SUPT7L: variants seen among roughly 807,000 people sequenced by gnomAD.
SUPT7L encodes the protein STAGA complex 65 subunit gamma.
A neutral mutation model predicts 35.7 loss-of-function variants in SUPT7L; 15 were observed. The ratio of observed to expected loss-of-function variants is 0.42; its 90% confidence interval spans 0.28 to 0.65. The LOEUF is 0.65. SUPT7L is among the 30% of genes least tolerant of loss of function. The pLI is 0.23. For missense variants in SUPT7L, 434 were observed against 522.2 expected (o/e 0.83, Z 1.65); for synonymous variants, 168 against 186.2 (o/e 0.90, Z 0.79).
intron 4 of SUPT7L, among the ~76,000 whole-genome samples, chr2:27,656,216 C>G (rs1414725187): frequency 1.3e-5 from 2 of 152,128 alleles, no homozygotes; most frequent in East Asian, 3.9e-4. Context: ...TGTGGGAAAT[C>G]TGGATCACTT....
downstream of SUPT7L, among the ~76,000 whole-genome samples, chr2:27,648,624 G>A (rs1214446870): frequency 7.2e-5 from 11 of 152,096 alleles, no homozygotes; most frequent in Admixed American, 5.2e-4. Flanking sequence ...TGGACTGTGC[G>A]CAGAATCTAA....
intron 4 of SUPT7L, among the ~76,000 whole-genome samples, 178 bp from the exon 5 acceptor site, chr2:27,655,780 T>C (rs532081476): frequency 6.6e-6 from 1 of 152,196 alleles, no homozygotes; most frequent in Non-Finnish European, 1.5e-5. Flanking sequence ...GATAGAGATA[T>C]GTAAAGAAAA....
downstream of SUPT7L, among the ~76,000 whole-genome samples, chr2:27,647,062 A>AG (rs1458840629): frequency 6.6e-6 from 1 of 152,184 alleles, no homozygotes. Context: ...CATAATTGTT[A>AG]GGCACAGAAT....
intron 2 of SUPT7L, 135 bp downstream of exon 2, chr2:27,662,044 T>C: frequency 8.5e-7 from 1 of 1,171,808 alleles, no homozygotes; most frequent in East Asian, 2.4e-5. Flanking sequence ...TCTTTGTATG[T>C]CATCTATTCT....
At chr2:27,659,562 CA>C (rs1187431244) in intron 3 of SUPT7L, among the ~76,000 whole-genome samples, 3 of 152,072 alleles carry the variant, frequency 2.0e-5, no homozygotes, top group African/African-American at 7.2e-5. Context: ...AAGACATTTA[CA>C]AAAGATATTT....
Position 27,652,876 on chromosome 2 carries a change from C to G in SUPT7L, c.*609G>C, listed in dbSNP as rs1674622349. On this transcript the variant is annotated 3_prime_UTR_variant, in exon 6 of 6. Coordinates refer to ENST00000337768, the MANE Select transcript of SUPT7L (RefSeq NM_014860.3). Reference sequence around the variant, plus strand: ...GAAAATAAATGGATGAGATAGAGAGCTGTCTAAGCAAAAAAGGTGTCAGAC... The same window carrying G: ...GAAAATAAATGGATGAGATAGAGAGGTGTCTAAGCAAAAAAGGTGTCAGAC... 6.5e-6 allele frequency: 1 copy of G among 153,138 alleles called. No homozygotes were observed. The highest frequency in any genetic ancestry group is 2.1e-4 in the South Asian group (1 of 4,868). 9.5% of individuals were successfully genotyped at this position (153,138 alleles called of 1,614,324 possible).
At chr2:27,649,107 T>C (rs1674384589), downstream of SUPT7L, among the ~76,000 whole-genome samples, 1 of 151,852 alleles carries the variant, frequency 6.6e-6, no homozygotes, top group South Asian at 2.1e-4. Context: ...TAGCTGGGCT[T>C]GGTGGCAGGC....
intron 5 of SUPT7L, among the ~76,000 whole-genome samples, chr2:27,654,284 G>A (rs776864665): frequency 7.9e-5 from 12 of 152,090 alleles, no homozygotes; most frequent in Non-Finnish European, 1.3e-4. Context: ...TTTGGCCCTC[G>A]CATCTCTCTA....
Position 27,661,247 on chromosome 2 carries a change from C to A in SUPT7L, c.156G>T (p.Met52Ile). The part of the protein sequence containing the change: ...PSANKPKPPT[M>I]LDIPSEPCSL... Reference sequence around the variant, plus strand: ...TACATGGCTCTGAGGGGATGTCCAGCATAGTGGGGGGCTTCGGCTTGTTGG... The same window carrying A: ...TACATGGCTCTGAGGGGATGTCCAGAATAGTGGGGGGCTTCGGCTTGTTGG... Residue 52 changes from methionine to isoleucine, a missense_variant, in exon 3 of 6, where the codon ATG becomes ATT. Met to Ile is a conservative substitution (Grantham distance 10). Transcript: ENST00000337768. 2 of 1,613,500 alleles carry A rather than the reference C, an allele frequency of 1.2e-6. No homozygotes were observed. The highest frequency in any genetic ancestry group is 1.7e-6 in the Non-Finnish European group (2 of 1,179,618).
downstream of SUPT7L, chr2:27,650,376 C>T (rs976179855): frequency 2.1e-6 from 1 of 475,954 alleles, no homozygotes; most frequent in Non-Finnish European, 3.8e-6. Context: ...GATAGAAGAC[C>T]CTTGGACCTG....
chr2:27,642,958 T>TATATACACACACACACAC, the SUPT7L span, among the ~76,000 whole-genome samples: 1 of 122,610 alleles, frequency 8.2e-6, no homozygotes, highest in African/African-American at 3.0e-5. Flanking sequence ...TATATATATA[T>TATATACACACACACACAC]ACACACACAC....
At chr2:27,643,098 G>A in the SUPT7L span, among the ~76,000 whole-genome samples, 3 of 150,158 alleles carry the variant, frequency 2.0e-5, no homozygotes, top group Non-Finnish European at 4.4e-5. The surrounding 1 kb of genome is among the most constrained non-coding windows in gnomAD (Gnocchi z 4.0). Context: ...GGAAGTTTTT[G>A]CTTTACTTTG....
the SUPT7L span, chr2:27,642,642 C>T: frequency 1.6e-6 from 1 of 613,110 alleles, no homozygotes; most frequent in Non-Finnish European, 3.0e-6. Flanking sequence ...CGGCTCACCA[C>T]AACCTCCACC....
At chr2:27,649,538 C>G (rs1223977757), downstream of SUPT7L, among the ~76,000 whole-genome samples, 1 of 152,050 alleles carries the variant, frequency 6.6e-6, no homozygotes, top group African/African-American at 2.4e-5. Context: ...TTTTCAGTCC[C>G]CATCCTGAAC....
chr2:27,661,303 C>A lies in SUPT7L; in HGVS notation c.100G>T (p.Val34Phe). 6.2e-7 allele frequency: 1 copy of A among 1,613,912 alleles called. No homozygotes were observed. The highest frequency in any genetic ancestry group is 1.3e-5 in the African/African-American group (1 of 75,022). Residue 34 changes from valine (V) to phenylalanine (F), a missense_variant, in exon 3 of 6, where the codon GTC becomes TTC. Physicochemically the swap from Val to Phe is conservative, Grantham distance 50. Around this residue, in one of 3 missense-constraint regions of SUPT7L, gnomAD observed 77 missense variants for 114.4 expected, o/e 0.67. Transcript: ENST00000337768. ...GGTTGGTGCAGGGGTGGGTCATGGA[C>A]TTCCACCAGACGGAACTCCCGTGGG... ...LLPREFRLVE[V>F]HDPPLHQPSA...
rs1014999486 is a variant in SUPT7L, at chr2:27,657,438, C to T, written c.651G>A (p.Glu217=). ...LGQTPFPDVM[E]QVFHEVGIGS... ...CAATACCCACTTCATGGAATACCTG[C>T]TCCATCACATCAGGAAAAGGAGTCT... Residue 217 remains glutamate (E), a synonymous_variant, in exon 4 of 6, where the codon GAG becomes GAA. Coordinates refer to ENST00000337768, the MANE Select transcript of SUPT7L (RefSeq NM_014860.3). This position sits in a 1 kb window ranked among gnomAD's most constrained non-coding sequence, Gnocchi z 5.2. 1.9e-6 allele frequency: 3 copies of T among 1,614,276 alleles called. No homozygotes were observed. The highest frequency in any genetic ancestry group is 2.2e-5 in the East Asian group (1 of 44,892).
At chr2:27,647,791 C>A (rs745838964), downstream of SUPT7L, 1 of 1,105,736 alleles carries the variant, frequency 9.0e-7, no homozygotes, top group Admixed American at 1.7e-5. Context: ...GATTCAAGAT[C>A]ACCTTTTTGA....
the SUPT7L span, among the ~76,000 whole-genome samples, chr2:27,645,154 A>G: frequency 6.6e-6 from 1 of 152,098 alleles, no homozygotes; most frequent in Non-Finnish European, 1.5e-5. Context: ...AATTTTTAAT[A>G]GAGACGAGGT....
At chr2:27,646,669 G>T (rs1000691367), downstream of SUPT7L, among the ~76,000 whole-genome samples, 3 of 151,638 alleles carry the variant, frequency 2.0e-5, no homozygotes, top group Non-Finnish European at 4.4e-5. Context: ...GTACTTAAAA[G>T]AAAAGCTCCA....
Sources: allele counts gnomAD v4.1 joint callset (sites outside exome capture counted in the v4.1 genomes callset), GRCh38; gene constraint gnomAD v4.1.1; regional missense constraint gnomAD v4.1.1; non-coding constraint Gnocchi (gnomAD v3.1); transcripts MANE v1.5; gene names NCBI Gene and HGNC (gene_info 2026-07-23, HGNC 2026-07-21).